Variants in SGCZ observed in about 807,000 individuals in gnomAD.
SGCZ encodes the protein zeta-sarcoglycan.
SGCZ carries 40 observed loss-of-function variants against 41.3 expected under a neutral mutation model. The ratio of observed to expected loss-of-function variants is 0.97; its 90% CI spans 0.75 to 1.26. The LOEUF (loss-of-function observed/expected upper bound fraction) is 1.26, where lower values mean the gene tolerates loss of function less well. SGCZ is among the 50% of genes most tolerant of loss of function. SGCZ has a pLI of 0.00. For synonymous variants in SGCZ, 206 were observed against 137.5 expected (o/e 1.50, Z -3.49); for missense variants, 552 against 369.8 (o/e 1.49, Z -4.04).
intron 1 of SGCZ, among the ~76,000 whole-genome samples, chr8:15,106,108 T>G (rs993770715): frequency 6.6e-6 from 1 of 152,192 alleles, no homozygotes; most frequent in Non-Finnish European, 1.5e-5. Flanking sequence ...ATTCCTTTTA[T>G]TACCCTTCTT....
At chr8:14,251,916 G>A (rs1313222028) in intron 3 of SGCZ, among the ~76,000 whole-genome samples, 1 of 152,036 alleles carries the variant, frequency 6.6e-6, no homozygotes, top group Non-Finnish European at 1.5e-5. Context: ...TGCAATGTTG[G>A]CCAGGATGGT....
intron 1 of SGCZ, among the ~76,000 whole-genome samples, chr8:14,649,715 C>G (rs533449748): frequency 2.4e-4 from 36 of 152,064 alleles, no homozygotes; most frequent in Non-Finnish European, 4.1e-4. Flanking sequence ...TAATGACAAT[C>G]AGTAACCTGT....
intron 1 of SGCZ, among the ~76,000 whole-genome samples, chr8:14,930,055 AT>A (rs1799882262): frequency 6.6e-6 from 1 of 152,044 alleles, no homozygotes; most frequent in Non-Finnish European, 1.5e-5. Flanking sequence ...CACTTCAAAA[AT>A]TTGGAGTTGT....
chr8:14,601,362 A>C (rs1300058458), intron 1 of SGCZ, among the ~76,000 whole-genome samples: 1 of 152,210 alleles, frequency 6.6e-6, no homozygotes, highest in African/African-American at 2.4e-5. Flanking sequence ...GTTTATATCA[A>C]GAGAGTACAG....
intron 1 of SGCZ, among the ~76,000 whole-genome samples, chr8:15,001,015 G>T (rs1026196118): frequency 6.6e-6 from 1 of 152,188 alleles, no homozygotes; most frequent in African/African-American, 2.4e-5. Flanking sequence ...GAGGAAAATG[G>T]AAACCAAAAC....
intron 1 of SGCZ, among the ~76,000 whole-genome samples, chr8:15,154,784 T>C (rs1303313340): frequency 6.6e-6 from 1 of 152,236 alleles, no homozygotes. Flanking sequence ...AAGACTCTGA[T>C]GCCCATTGTT....
chr8:14,620,140 C>G (rs1157221237), intron 1 of SGCZ, among the ~76,000 whole-genome samples: 15 of 152,112 alleles, frequency 9.9e-5, no homozygotes, highest in Non-Finnish European at 1.6e-4. Flanking sequence ...TACCACACAT[C>G]TACAACCATC....
chr8:15,197,012 A>T (rs1380103145), intron 1 of SGCZ, among the ~76,000 whole-genome samples: 1 of 152,230 alleles, frequency 6.6e-6, no homozygotes, highest in Non-Finnish European at 1.5e-5. Flanking sequence ...GCAAAGAAAG[A>T]AGTTGCAAGG....
intron 1 of SGCZ, among the ~76,000 whole-genome samples, chr8:14,666,883 T>C (rs1416149246): frequency 2.0e-5 from 3 of 151,854 alleles, no homozygotes; most frequent in African/African-American, 7.3e-5. Context: ...TTAACGTCCA[T>C]TAGGTACTAA....
chr8:15,021,791 T>C (rs1222369684), intron 1 of SGCZ, among the ~76,000 whole-genome samples: 1 of 152,220 alleles, frequency 6.6e-6, no homozygotes, highest in Non-Finnish European at 1.5e-5. Context: ...GTTATTGTTA[T>C]TGTTGTTACT....
At chr8:14,556,900 T>A (rs182827429) in intron 1 of SGCZ, among the ~76,000 whole-genome samples, 4 of 152,160 alleles carry the variant, frequency 2.6e-5, no homozygotes, top group Admixed American at 6.6e-5. Flanking sequence ...AACATGAAAG[T>A]GAAGTATTTT....
At chr8:14,147,957 T>C (rs1803578955) in intron 5 of SGCZ, among the ~76,000 whole-genome samples, 1 of 152,102 alleles carries the variant, frequency 6.6e-6, no homozygotes, top group Admixed American at 6.5e-5. Context: ...CAATGATCAG[T>C]GTGTCAATAA....
At chr8:14,809,735 C>T (rs1371693478) in intron 1 of SGCZ, among the ~76,000 whole-genome samples, 1 of 152,082 alleles carries the variant, frequency 6.6e-6, no homozygotes, top group Non-Finnish European at 1.5e-5. Flanking sequence ...CCGCAGTACC[C>T]ATGAGGGAGG....
chr8:14,562,247 C>G (rs928373558), intron 1 of SGCZ, among the ~76,000 whole-genome samples: 5 of 152,042 alleles, frequency 3.3e-5, no homozygotes, highest in African/African-American at 1.2e-4. Context: ...GTATTCAGGA[C>G]TGGGAATAGT....
intron 2 of SGCZ, among the ~76,000 whole-genome samples, chr8:14,438,706 C>A (rs1800160842): frequency 6.6e-6 from 1 of 151,886 alleles, no homozygotes; most frequent in Non-Finnish European, 1.5e-5. Flanking sequence ...TAAGATTTTT[C>A]AGTAATACTT....
At chr8:14,687,339 C>T (rs972411888) in intron 1 of SGCZ, among the ~76,000 whole-genome samples, 1 of 55,244 alleles carries the variant, frequency 1.8e-5, no homozygotes, top group Non-Finnish European at 2.8e-5. Flanking sequence ...AGCTATCCCT[C>T]CCCCCTCCCC....
At chr8:14,912,887 T>C (rs1014421519) in intron 1 of SGCZ, among the ~76,000 whole-genome samples, 1 of 152,074 alleles carries the variant, frequency 6.6e-6, no homozygotes, top group African/African-American at 2.4e-5. Context: ...TGCTTCCAAT[T>C]CTTAACTGGA....
chr8:14,358,541 A>C (rs1162732776), intron 2 of SGCZ, among the ~76,000 whole-genome samples: 3 of 152,200 alleles, frequency 2.0e-5, no homozygotes, highest in Non-Finnish European at 2.9e-5. Context: ...TTAAAACTAA[A>C]GATTTAAAAA....
At chr8:15,108,138 G>C (rs1336838635) in intron 1 of SGCZ, among the ~76,000 whole-genome samples, 1 of 151,870 alleles carries the variant, frequency 6.6e-6, no homozygotes, top group Non-Finnish European at 1.5e-5. Flanking sequence ...TTTTTATCTT[G>C]ATTAATTTAT....
Sources: gnomAD v4.1 joint callset for allele counts (sites outside exome capture counted in the v4.1 genomes callset) on GRCh38, gnomAD v4.1.1 for gene constraint, MANE v1.5 for transcripts, NCBI Gene and HGNC (gene_info 2026-07-23, HGNC 2026-07-21) for gene names.